Variants in PTPRD observed in about 807,000 individuals in gnomAD.
PTPRD encodes protein tyrosine phosphatase receptor type D, also known as receptor-type tyrosine-protein phosphatase delta.
In PTPRD, 34 loss-of-function variants were observed where a neutral mutation model predicts 214.5. That is an observed-to-expected ratio of 0.16 (90% CI 0.12 to 0.21). The LOEUF (loss-of-function observed/expected upper bound fraction) is 0.21, where lower values mean the gene tolerates loss of function less well. Among genes scored for constraint, PTPRD ranks in the 10% least tolerant of loss-of-function variants. The probability of loss-of-function intolerance (pLI) is 1.00; values close to 1 mark genes in which losing one functional copy is unlikely to be tolerated. For missense variants in PTPRD, 2,545 were observed against 2,398.7 expected (o/e 1.06, Z -1.27); for synonymous variants, 1,128 against 845.7 (o/e 1.33, Z -5.79).
At chr9:9,913,023 G>GT (rs972153545) in intron 5 of PTPRD, among the ~76,000 whole-genome samples, 3 of 151,942 alleles carry the variant, frequency 2.0e-5, no homozygotes, top group Non-Finnish European at 2.9e-5. Context: ...ATTCTTATAA[G>GT]TTTTTTTAAG....
intron 3 of PTPRD, among the ~76,000 whole-genome samples, chr9:10,186,560 T>C (rs1320116086): frequency 6.6e-6 from 1 of 152,088 alleles, no homozygotes; most frequent in Non-Finnish European, 1.5e-5. Context: ...ACTGAACCAT[T>C]TCCAGTGAGG....
At chr9:10,093,482 C>T (rs952360535) in intron 3 of PTPRD, among the ~76,000 whole-genome samples, 2 of 151,324 alleles carry the variant, frequency 1.3e-5, no homozygotes, top group Non-Finnish European at 3.0e-5. Context: ...AACGGGAATG[C>T]TTATACTCTG....
intron 11 of PTPRD, among the ~76,000 whole-genome samples, chr9:8,899,133 A>G (rs1294446951): frequency 2.0e-5 from 3 of 152,102 alleles, no homozygotes; most frequent in Non-Finnish European, 2.9e-5. Flanking sequence ...AGGCAAGATA[A>G]AAAAAAGATT....
chr9:10,500,446 A>AT (rs2043311611), intron 2 of PTPRD, among the ~76,000 whole-genome samples: 1 of 151,890 alleles, frequency 6.6e-6, no homozygotes, highest in African/African-American at 2.4e-5. Flanking sequence ...AGGTATCTAT[A>AT]TTTTTATGTG....
chr9:10,345,605 T>C (rs562590812), intron 2 of PTPRD, among the ~76,000 whole-genome samples: 2 of 152,360 alleles, frequency 1.3e-5, no homozygotes, highest in South Asian at 4.1e-4. Context: ...TCATCCTTTT[T>C]GTGGCTACAC....
chr9:9,024,353 T>TTTTG (rs2099580221), intron 10 of PTPRD, among the ~76,000 whole-genome samples: 1 of 28,132 alleles, frequency 3.6e-5, no homozygotes. Flanking sequence ...TTTTTGTTTG[T>TTTTG]TTTTTTTTTT....
At chr9:9,377,640 G>A (rs902128594) in intron 9 of PTPRD, among the ~76,000 whole-genome samples, 9 of 152,048 alleles carry the variant, frequency 5.9e-5, no homozygotes, top group African/African-American at 2.2e-4. Flanking sequence ...AAAGCTTCTG[G>A]AATGGATGGA....
chr9:10,060,893 CTTCCTTCTTTCTTTCTTTCTTTCTTTCT>C (rs1227890046), intron 3 of PTPRD, among the ~76,000 whole-genome samples: 8 of 79,254 alleles, frequency 1.0e-4, no homozygotes, highest in African/African-American at 1.9e-4. Context: ...TCCTTCCTTC[CTTCCTTCTTTCTTTCTTTCTTTCTTTCT>C]TTCTTTCTTT....
chr9:9,305,986 A>G (rs1412822229), intron 9 of PTPRD, among the ~76,000 whole-genome samples: 16 of 152,126 alleles, frequency 1.1e-4, no homozygotes, highest in Non-Finnish European at 2.4e-4. Context: ...TGTTGTTTTA[A>G]GCCATCCAGT....
At chr9:9,591,205 A>G (rs2092691989) in intron 7 of PTPRD, among the ~76,000 whole-genome samples, 1 of 142,570 alleles carries the variant, frequency 7.0e-6, no homozygotes, top group Admixed American at 6.9e-5. Context: ...AGTCAGAGAG[A>G]TTGAAAGCGT....
chr9:10,111,720 T>A (rs548150184), intron 3 of PTPRD, among the ~76,000 whole-genome samples: 4 of 152,186 alleles, frequency 2.6e-5, no homozygotes, highest in Non-Finnish European at 5.9e-5. Flanking sequence ...AATAAAAATA[T>A]CATGGATTTT....
At chr9:8,835,579 G>A (rs1972798) in intron 11 of PTPRD, among the ~76,000 whole-genome samples, 71,028 of 152,034 alleles carry the variant, frequency 0.47, 17,194 homozygotes, top group African/African-American at 0.6. Context: ...ACTCAAGCTG[G>A]AGTGCAGTGG....
chr9:8,717,917 T>C (rs1186155835), intron 12 of PTPRD, among the ~76,000 whole-genome samples: 1 of 152,366 alleles, frequency 6.6e-6, no homozygotes, highest in East Asian at 1.9e-4. Flanking sequence ...ATCTACCTCC[T>C]GCCCTGAATT....
At chr9:9,292,111 G>T (rs553527613) in intron 9 of PTPRD, among the ~76,000 whole-genome samples, 1 of 151,332 alleles carries the variant, frequency 6.6e-6, no homozygotes, top group African/African-American at 2.4e-5. Flanking sequence ...AGGGCCTACT[G>T]AAAAATATAG....
chr9:9,013,544 G>T (rs940716668), intron 11 of PTPRD, among the ~76,000 whole-genome samples: 2 of 152,114 alleles, frequency 1.3e-5, no homozygotes, highest in African/African-American at 4.8e-5. Flanking sequence ...ATGGACAAAA[G>T]CAACAAGTCT....
At chr9:9,728,962 C>A (rs2098138723) in intron 7 of PTPRD, among the ~76,000 whole-genome samples, 1 of 151,970 alleles carries the variant, frequency 6.6e-6, no homozygotes, top group African/African-American at 2.4e-5. Context: ...AAGTTGCCTG[C>A]TTTACCACAC....
intron 5 of PTPRD, among the ~76,000 whole-genome samples, chr9:9,815,755 G>A (rs1000803565): frequency 1.3e-5 from 2 of 152,088 alleles, no homozygotes; most frequent in Non-Finnish European, 2.9e-5. Flanking sequence ...GGAGGTAGGG[G>A]ATGGGGCATG....
At chr9:9,398,833 G>C (rs1002152961) in intron 8 of PTPRD, among the ~76,000 whole-genome samples, 1 of 151,968 alleles carries the variant, frequency 6.6e-6, no homozygotes, top group Non-Finnish European at 1.5e-5. Context: ...CCAGCACCAA[G>C]ATGGAAGTTA....
intron 11 of PTPRD, among the ~76,000 whole-genome samples, chr9:8,853,494 G>C (rs2097857125): frequency 6.6e-6 from 1 of 152,110 alleles, no homozygotes; most frequent in South Asian, 2.1e-4. Flanking sequence ...AGTGTCACCA[G>C]CTACCAATTA....
Sources: allele counts gnomAD v4.1 joint callset (sites outside exome capture counted in the v4.1 genomes callset), GRCh38; gene constraint gnomAD v4.1.1; transcripts MANE v1.5; gene names NCBI Gene and HGNC (gene_info 2026-07-23, HGNC 2026-07-21).